Variants in LRRTM4 observed in about 807,000 individuals in gnomAD.
LRRTM4 encodes the protein leucine-rich repeat transmembrane neuronal protein 4.
In LRRTM4, 25 loss-of-function variants were observed where a neutral mutation model predicts 47.6. The ratio of observed to expected loss-of-function variants is 0.53; its 90% CI spans 0.38 to 0.73. The LOEUF is 0.73. Among genes scored for constraint, LRRTM4 ranks in the 30% least tolerant of loss-of-function variants. LRRTM4 has a pLI of 0.00. For missense variants in LRRTM4, 638 were observed against 713.4 expected (o/e 0.89, Z 1.20); for synonymous variants, 311 against 269.5 (o/e 1.15, Z -1.51).
intron 3 of LRRTM4, among the ~76,000 whole-genome samples, chr2:77,129,165 A>T (rs1671730037): frequency 6.6e-6 from 1 of 152,212 alleles, no homozygotes; most frequent in Non-Finnish European, 1.5e-5. Flanking sequence ...TGTATATGTC[A>T]AGTAAGTGAC....
intron 3 of LRRTM4, among the ~76,000 whole-genome samples, chr2:76,760,715 C>A (rs537232768): frequency 1.3e-5 from 2 of 152,184 alleles, no homozygotes; most frequent in African/African-American, 4.8e-5. Context: ...CAGCCCAACA[C>A]TGACTTAGCG....
chr2:76,941,454 T>C (rs1675139719), intron 3 of LRRTM4, among the ~76,000 whole-genome samples: 1 of 152,126 alleles, frequency 6.6e-6, no homozygotes, highest in South Asian at 2.1e-4. Context: ...CCTAATCTTA[T>C]CCGTCCCCTT....
At chr2:77,481,587 A>G (rs753812120) in intron 3 of LRRTM4, among the ~76,000 whole-genome samples, 1 of 152,094 alleles carries the variant, frequency 6.6e-6, no homozygotes, top group Non-Finnish European at 1.5e-5. Context: ...AAAAAAAAGC[A>G]TGTCAAGGGC....
intron 3 of LRRTM4, among the ~76,000 whole-genome samples, chr2:76,950,832 T>C (rs1041049338): frequency 1.3e-5 from 2 of 151,998 alleles, no homozygotes; most frequent in Non-Finnish European, 2.9e-5. Context: ...GATTCAGCCA[T>C]ATTAAGACTA....
intron 3 of LRRTM4, among the ~76,000 whole-genome samples, chr2:77,107,458 A>C (rs1273194417): frequency 6.6e-6 from 1 of 152,196 alleles, no homozygotes; most frequent in African/African-American, 2.4e-5. Context: ...ATGAAACCAC[A>C]ATATGTTTCA....
intron 3 of LRRTM4, among the ~76,000 whole-genome samples, chr2:77,509,913 T>C (rs1678919985): frequency 6.6e-6 from 1 of 152,130 alleles, no homozygotes; most frequent in African/African-American, 2.4e-5. Flanking sequence ...CAAGGCAGTA[T>C]TTGTCCATGT....
intron 3 of LRRTM4, among the ~76,000 whole-genome samples, chr2:77,258,965 G>A (rs1476602156): frequency 6.6e-6 from 1 of 151,834 alleles, no homozygotes; most frequent in Non-Finnish European, 1.5e-5. Context: ...TAAAGAAGGA[G>A]GCCTGAAGGA....
intron 3 of LRRTM4, among the ~76,000 whole-genome samples, chr2:77,226,206 A>G (rs879655040): frequency 7.2e-5 from 11 of 151,894 alleles, no homozygotes; most frequent in Non-Finnish European, 1.5e-4. Context: ...TTCACTTAAA[A>G]TGTTTCAAAC....
chr2:76,934,260 A>C (rs570845041), intron 3 of LRRTM4, among the ~76,000 whole-genome samples: 5 of 152,290 alleles, frequency 3.3e-5, no homozygotes, highest in African/African-American at 1.2e-4. Flanking sequence ...ACTTACACAC[A>C]TATGTATAAC....
intron 3 of LRRTM4, among the ~76,000 whole-genome samples, chr2:76,784,629 C>T (rs1353161793): frequency 6.6e-6 from 1 of 151,928 alleles, no homozygotes; most frequent in African/African-American, 2.4e-5. Flanking sequence ...TATGGGGCAC[C>T]ACTGATTTTG....
intron 3 of LRRTM4, among the ~76,000 whole-genome samples, chr2:77,375,065 T>C (rs1002222896): frequency 1.3e-5 from 2 of 151,766 alleles, no homozygotes; most frequent in African/African-American, 2.4e-5. Flanking sequence ...TTAAAAGTCA[T>C]ACATTCACTC....
At chr2:77,189,604 G>A (rs1195786814) in intron 3 of LRRTM4, among the ~76,000 whole-genome samples, 1 of 152,048 alleles carries the variant, frequency 6.6e-6, no homozygotes, top group Non-Finnish European at 1.5e-5. Context: ...CCAAAAGACA[G>A]TCATCATCAG....
chr2:76,848,505 T>C (rs1040366841), intron 3 of LRRTM4, among the ~76,000 whole-genome samples: 1 of 152,132 alleles, frequency 6.6e-6, no homozygotes, highest in Non-Finnish European at 1.5e-5. Context: ...TCGTACTTTG[T>C]TCATTTTCTG....
intron 3 of LRRTM4, among the ~76,000 whole-genome samples, chr2:76,995,034 G>A (rs1294371608): frequency 6.6e-6 from 1 of 151,950 alleles, no homozygotes. Context: ...TAACTGACAA[G>A]TCTGTCTTAT....
At chr2:77,271,407 G>A (rs551207761) in intron 3 of LRRTM4, among the ~76,000 whole-genome samples, 12 of 152,240 alleles carry the variant, frequency 7.9e-5, no homozygotes, top group African/African-American at 1.7e-4. Flanking sequence ...GCTTGCTTGC[G>A]CCTGGTCTGG....
At chr2:77,472,736 A>G (rs945812115) in intron 3 of LRRTM4, among the ~76,000 whole-genome samples, 2 of 152,146 alleles carry the variant, frequency 1.3e-5, no homozygotes, top group African/African-American at 4.8e-5. Context: ...AGATCAAACA[A>G]TGGTAATTGT....
chr2:76,810,946 T>G (rs1670713969), intron 3 of LRRTM4, among the ~76,000 whole-genome samples: 1 of 152,200 alleles, frequency 6.6e-6, no homozygotes, highest in Non-Finnish European at 1.5e-5. Context: ...ATAGCACACC[T>G]GGTGATATTG....
intron 3 of LRRTM4, among the ~76,000 whole-genome samples, chr2:77,367,779 C>T (rs192146229): frequency 3.9e-5 from 6 of 151,952 alleles, no homozygotes; most frequent in Admixed American, 2.6e-4. Flanking sequence ...GAGAGAGGCT[C>T]ATCCATTCAA....
At chr2:76,932,107 C>T (rs6708140) in intron 3 of LRRTM4, among the ~76,000 whole-genome samples, 1 of 152,050 alleles carries the variant, frequency 6.6e-6, no homozygotes, top group African/African-American at 2.4e-5. Flanking sequence ...TCATCCTGTT[C>T]CTCCTTGTAT....
Sources: gnomAD v4.1 joint callset for allele counts (sites outside exome capture counted in the v4.1 genomes callset) on GRCh38, gnomAD v4.1.1 for gene constraint, MANE v1.5 for transcripts, NCBI Gene and HGNC (gene_info 2026-07-23, HGNC 2026-07-21) for gene names.